The following UPF2 variants were observed in gnomAD, a reference collection of about 807,000 sequenced individuals.
UPF2 encodes the protein regulator of nonsense transcripts 2.
UPF2 carries 17 observed loss-of-function variants against 141.4 expected under a neutral mutation model. The observed-to-expected ratio is 0.12, with a 90% CI of 0.08 to 0.18. The LOEUF is 0.18. Among genes scored for constraint, UPF2 ranks in the 10% least tolerant of loss-of-function variants. The pLI is 1.00. For missense variants in UPF2, 1,152 were observed against 1,515.9 expected, an observed-to-expected ratio of 0.76 and a Z score of 3.99; for synonymous variants, 540 against 498.0, an observed-to-expected ratio of 1.08 and a Z score of -1.12.
At chr10:12,011,564 G>A (rs1171961671) in intron 4 of UPF2, among the ~76,000 whole-genome samples, 4 of 152,028 alleles carry the variant, frequency 2.6e-5, no homozygotes, top group East Asian at 1.9e-4. Context: ...CTGCACCATC[G>A]CATTCCAGCC....
rs541686476 is a variant in UPF2, at chr10:12,036,105, T to C, written c.-18-664A>G. On this transcript the variant is annotated intron_variant, in intron 1 of 21. Coordinates refer to ENST00000357604, the MANE Select transcript of UPF2 (RefSeq NM_015542.4). ...TTTATAAATAAACATGAACCTAAAATCCGTATGTTCTGTGCTATATCTGTC... is the reference window on the plus strand; with the variant it reads ...TTTATAAATAAACATGAACCTAAAACCCGTATGTTCTGTGCTATATCTGTC... Among the ~76,000 whole-genome samples, 11 of 152,330 alleles carry C rather than the reference T, an allele frequency of 7.2e-5. No individual in the cohort carries two copies. The South Asian group carries it at 2.3e-3, about 32-fold the overall frequency.
At chr10:12,011,480 C>T (rs1002180251) in intron 4 of UPF2, among the ~76,000 whole-genome samples, 1 of 151,746 alleles carries the variant, frequency 6.6e-6, no homozygotes, top group Non-Finnish European at 1.5e-5. Context: ...TATCTGTAGT[C>T]CCAGTTATTG....
chr10:11,971,193 T>G (rs1195389956), intron 9 of UPF2, among the ~76,000 whole-genome samples: 2 of 152,014 alleles, frequency 1.3e-5, no homozygotes, highest in Non-Finnish European at 2.9e-5. Flanking sequence ...TTTTAAAAGG[T>G]TGTAACTTAT....
At chr10:11,968,507 T>C (rs1008596824) in intron 9 of UPF2, among the ~76,000 whole-genome samples, 3 of 152,336 alleles carry the variant, frequency 2.0e-5, no homozygotes, top group Admixed American at 6.5e-5. Context: ...TAAGCAAAAC[T>C]GGTATTCAGG....
chr10:11,947,819 A>C (rs976010032), intron 16 of UPF2, among the ~76,000 whole-genome samples: 5 of 148,756 alleles, frequency 3.4e-5, no homozygotes, highest in Admixed American at 6.7e-5. Context: ...AGACATGTGG[A>C]GATCAATTTT....
chr10:11,982,710 T>C (rs547934659), intron 8 of UPF2, among the ~76,000 whole-genome samples: 1 of 152,226 alleles, frequency 6.6e-6, no homozygotes, highest in South Asian at 2.1e-4. Flanking sequence ...CACCACGACC[T>C]CCGCCTCCCA....
chr10:11,970,949 C>A (rs1833407114), intron 9 of UPF2, among the ~76,000 whole-genome samples: 1 of 152,040 alleles, frequency 6.6e-6, no homozygotes. Context: ...TCTTCATCAT[C>A]TGCTATGGAG....
rs1021370280 is a variant in UPF2, at chr10:12,019,746, T to C, written c.1146-5562A>G. The stretch of plus-strand genomic sequence containing the variant: ...GTTTTTTTTTGTTTTGTTTTTGAGA[T>C]GGATTCTCGCTCTGCTGCCCAGGCT... On this transcript the variant is annotated intron_variant, in intron 3 of 21. Transcript: ENST00000357604. This position sits in a 1 kb window ranked among gnomAD's most constrained non-coding sequence, Gnocchi z 4.5. 3.9e-5 allele frequency among the ~76,000 whole-genome samples: 6 copies of C among 152,254 alleles called. No individual in the cohort carries two copies. The highest frequency in any genetic ancestry group is 1.3e-4 in the Admixed American group (2 of 15,276).
chr10:11,982,633 T>C (rs1422318430), intron 8 of UPF2, among the ~76,000 whole-genome samples: 3 of 152,130 alleles, frequency 2.0e-5, no homozygotes, highest in Non-Finnish European at 4.4e-5. Context: ...CAAAGCACTT[T>C]GGTTTTTTTT....
At chr10:12,027,325 A>T (rs1416011596) in intron 3 of UPF2, among the ~76,000 whole-genome samples, 1 of 152,246 alleles carries the variant, frequency 6.6e-6, no homozygotes, top group East Asian at 1.9e-4. Context: ...TTCTGAGTCC[A>T]ATCAAAAGCA....
intron 2 of UPF2, among the ~76,000 whole-genome samples, chr10:12,030,713 CT>C (rs1834504928): frequency 6.6e-6 from 1 of 150,854 alleles, no homozygotes; most frequent in Non-Finnish European, 1.5e-5. Flanking sequence ...GAAACGCCAT[CT>C]CTACTAAAAA....
Position 11,999,972 on chromosome 10 carries a change from G to A in UPF2, c.1692C>T (p.Leu564=), listed in dbSNP as rs1478781320. The A allele has an allele frequency of 2.5e-6, 4 of 1,613,150 alleles. No individual in the cohort carries two copies. The South Asian group carries it at 4.4e-5, about 18-fold the overall frequency. Residue 564 remains leucine (L), a synonymous_variant, in exon 7 of 22, where the codon CTC becomes CTT. Coordinates refer to ENST00000357604, the MANE Select transcript of UPF2 (RefSeq NM_015542.4). ...EDEEASTGSH[L]KLIVDAFLQQ... The stretch of plus-strand genomic sequence containing the variant: ...GTAGGAAAGCATCTACTATGAGCTT[G>A]AGATGAGATCCAGTGCTGGCTTCCT...
chr10:12,024,469 G>C lies in UPF2; in HGVS notation c.1145+4276C>G, dbSNP rs142471131. 1.6e-3 allele frequency among the ~76,000 whole-genome samples: 240 copies of C among 152,058 alleles called. 1 individual carries two copies. Among genetic ancestry groups the C allele is most frequent in the African/African-American group, 5.4e-3 (223 of 41,486 alleles). Reference sequence around the variant, plus strand: ...TACTAAAAATACAAAAATTAGCTGGGTGTGGTGGCATGTGCCTATAGTCCC... The same window carrying C: ...TACTAAAAATACAAAAATTAGCTGGCTGTGGTGGCATGTGCCTATAGTCCC... On this transcript the variant is annotated intron_variant, in intron 3 of 21. Transcript: ENST00000357604.
chr10:12,030,842 C>T (rs1834507457), intron 2 of UPF2, among the ~76,000 whole-genome samples: 1 of 150,344 alleles, frequency 6.7e-6, no homozygotes, highest in Non-Finnish European at 1.5e-5. Flanking sequence ...CAAGATCATG[C>T]CACTGCACTC....
chr10:11,968,782 C>A (rs1008878984), intron 9 of UPF2, among the ~76,000 whole-genome samples: 1 of 152,156 alleles, frequency 6.6e-6, no homozygotes, highest in Non-Finnish European at 1.5e-5. Context: ...CCATTTTCAT[C>A]GGAAAACCAA....
At position 12,008,942 on chromosome 10, in the gene UPF2, T is replaced by C. The variant is rs1235258729; in HGVS notation, c.1307-4215A>G. Among the ~76,000 whole-genome samples the C allele has an allele frequency of 2.6e-5, 4 of 152,200 alleles. No individual in the cohort carries two copies. In the East Asian group the frequency reaches 7.7e-4, roughly 29 times the overall value. On this transcript the variant is annotated intron_variant, in intron 4 of 21. Coordinates refer to ENST00000357604, the MANE Select transcript of UPF2 (RefSeq NM_015542.4). ...CCCACTTATGAGTGAGAACATGTGG[T>C]ATTTGGTTTTTTTCCTATGTTAGTT... is the stretch of plus-strand genomic sequence containing the variant.
intron 14 of UPF2, 81 bp from the exon 15 acceptor site, chr10:11,952,330 T>C: frequency 7.7e-7 from 1 of 1,292,186 alleles, no homozygotes; most frequent in South Asian, 1.6e-5. Context: ...ATTGTGCTGT[T>C]TCCCAGTTAT....
Position 12,025,535 on chromosome 10 carries a change from TA to T in UPF2, c.1145+3209del, listed in dbSNP as rs892751954. 8.1e-5 allele frequency among the ~76,000 whole-genome samples: 12 copies of T among 147,810 alleles called. 1 individual carries two copies. Among genetic ancestry groups the T allele is most frequent in the Admixed American group, 6.2e-4 (9 of 14,596 alleles). The stretch of plus-strand genomic sequence containing the variant: ...CACTGCATTCCAGCCTGGGAGACAG[TA>T]AGACTCCATCTCTAAATAAATAAAT... On this transcript the variant is annotated intron_variant, in intron 3 of 21. Transcript: ENST00000357604.
At chr10:12,021,034 T>C (rs1190749310) in intron 3 of UPF2, among the ~76,000 whole-genome samples, 1 of 152,332 alleles carries the variant, frequency 6.6e-6, no homozygotes, top group African/African-American at 2.4e-5. Flanking sequence ...CTAACATGTA[T>C]ACTATACACT....
Sources: gnomAD v4.1 joint callset for allele counts (sites outside exome capture counted in the v4.1 genomes callset) on GRCh38, gnomAD v4.1.1 for gene constraint, Gnocchi (gnomAD v3.1) non-coding constraint, MANE v1.5 for transcripts, NCBI Gene and HGNC (gene_info 2026-07-23, HGNC 2026-07-21) for gene names.